FAM53B: variants seen among roughly 807,000 people sequenced by gnomAD.
FAM53B encodes the protein family with sequence similarity 53 member B, also known as protein FAM53B.
Under a neutral mutation model 32.7 loss-of-function variants are expected in FAM53B, and 12 were observed. The observed-to-expected ratio is 0.37, with a 90% confidence interval of 0.24 to 0.59. The LOEUF is 0.59. Ranked by LOEUF, FAM53B falls within the 20% of genes least tolerant of loss-of-function variation. The pLI is 0.72. For synonymous variants in FAM53B, 234 were observed against 228.7 expected (o/e 1.02, Z -0.21); for missense variants, 477 against 577.7 (o/e 0.83, Z 1.79).
At chr10:124,670,028 G>A (rs565765804) in intron 4 of FAM53B, among the ~76,000 whole-genome samples, 1 of 152,240 alleles carries the variant, frequency 6.6e-6, no homozygotes, top group Non-Finnish European at 1.5e-5. Context: ...CGTGGATTAG[G>A]AGTTAGTGAC....
rs537452488 is a variant in FAM53B at position 124,719,447 on chromosome 10, C to T, written c.-174-12560G>A. Among the ~76,000 whole-genome samples, 6 of 152,242 alleles carry T rather than the reference C, an allele frequency of 3.9e-5. No homozygotes were observed. In the South Asian group the frequency reaches 8.3e-4, roughly 21 times the overall value. On this transcript the variant is annotated intron_variant, in intron 1 of 4. Coordinates refer to ENST00000337318, the MANE Select transcript of FAM53B (RefSeq NM_014661.4). ...CCAAGGTGAACTCTTCTCGGCTTTTCGTTACAGATCTAAGCGAGAGTCAAA... is the reference window on the plus strand; with the variant it reads ...CCAAGGTGAACTCTTCTCGGCTTTTTGTTACAGATCTAAGCGAGAGTCAAA...
intron 3 of FAM53B, among the ~76,000 whole-genome samples, chr10:124,685,885 C>T (rs565565799): frequency 6.6e-6 from 1 of 152,290 alleles, no homozygotes; most frequent in East Asian, 1.9e-4. Context: ...TTTCTGAAGC[C>T]CCCACCTATT....
intron 4 of FAM53B, among the ~76,000 whole-genome samples, chr10:124,674,272 G>T (rs1012497891): frequency 2.0e-5 from 3 of 152,196 alleles, no homozygotes; most frequent in Non-Finnish European, 4.4e-5. Context: ...ATGAGCAGCA[G>T]GCCCCTCCTT....
At chr10:124,667,267 T>C in intron 4 of FAM53B, 2 of 628,904 alleles carry the variant, frequency 3.2e-6, no homozygotes, top group Non-Finnish European at 5.8e-6. Context: ...AAATATACTA[T>C]TCAAAGTCAT....
At chr10:124,739,376 G>C (rs917820965) in intron 1 of FAM53B, among the ~76,000 whole-genome samples, 6 of 152,274 alleles carry the variant, frequency 3.9e-5, no homozygotes, top group Non-Finnish European at 8.8e-5. Flanking sequence ...CCAGGGCCCA[G>C]GGTGGGCCTT....
intron 1 of FAM53B, among the ~76,000 whole-genome samples, chr10:124,726,268 T>C (rs760888609): frequency 2.6e-5 from 4 of 152,248 alleles, no homozygotes; most frequent in Admixed American, 6.5e-5. Flanking sequence ...CAGAATTGGA[T>C]GGGTGGCCTA....
intron 4 of FAM53B, among the ~76,000 whole-genome samples, chr10:124,659,313 T>C (rs1949614263): frequency 1.3e-5 from 2 of 152,246 alleles, no homozygotes; most frequent in African/African-American, 4.8e-5. Flanking sequence ...GGAGCAGCTT[T>C]ATTTAAAGGG....
chr10:124,725,731 A>AC (rs1950097777), intron 1 of FAM53B, among the ~76,000 whole-genome samples: 2 of 152,242 alleles, frequency 1.3e-5, no homozygotes, highest in African/African-American at 4.8e-5. Flanking sequence ...AGAATTACCT[A>AC]AAGGTAGGAA....
chr10:124,705,475 C>G (rs1262922831), intron 2 of FAM53B: 1 of 152,342 alleles, frequency 6.6e-6, no homozygotes, highest in Non-Finnish European at 1.5e-5. Context: ...CGTGCTACAG[C>G]CAGGCTGGCC....
chr10:124,651,736 T>C lies in FAM53B; in HGVS notation c.907-28132A>G, dbSNP rs1949557948. On this transcript the variant is annotated intron_variant, in intron 4 of 4. Coordinates refer to ENST00000337318, the MANE Select transcript of FAM53B (RefSeq NM_014661.4). The surrounding 1 kb of genome is among the most constrained non-coding windows in gnomAD (Gnocchi z 5.2). ...GTCAAGGTCAGCAGAGCCCCACAGA[T>C]GTCTAGCCCCTGCCTCAGGTCGGCA... Among the ~76,000 whole-genome samples, 1 of 152,192 alleles carries C rather than the reference T, an allele frequency of 6.6e-6. No individual in the cohort carries two copies. Among genetic ancestry groups the C allele is most frequent in the Non-Finnish European group, 1.5e-5 (1 of 68,026 alleles).
intron 1 of FAM53B, among the ~76,000 whole-genome samples, chr10:124,729,442 T>C (rs1342508287): frequency 6.6e-6 from 1 of 152,232 alleles, no homozygotes; most frequent in East Asian, 1.9e-4. Flanking sequence ...ACTTCCTCCT[T>C]ACCAGGCACT....
chr10:124,691,358 T>C (rs1949831501), intron 3 of FAM53B, among the ~76,000 whole-genome samples: 1 of 152,220 alleles, frequency 6.6e-6, no homozygotes. Flanking sequence ...ATTTTTACAA[T>C]TCCTTTTTAT....
At chr10:124,711,668 G>A (rs544863328) in intron 1 of FAM53B, among the ~76,000 whole-genome samples, 6 of 152,158 alleles carry the variant, frequency 3.9e-5, no homozygotes, top group African/African-American at 7.2e-5. Flanking sequence ...CAGGGAGACC[G>A]TGTGCGCGGG....
In FAM53B at chr10:124,633,036, G is replaced by A. The variant is rs867828936; in HGVS notation, c.907-9432C>T. 2.6e-5 allele frequency among the ~76,000 whole-genome samples: 4 copies of A among 152,180 alleles called. No individual in the cohort carries two copies. In the Middle Eastern group the frequency reaches 0.01, roughly 388 times the overall value. ...GAGGGATAAATAGAGACCACCAAGGGTGCGATCCCCCCTTCCCACACTCCA... is the reference window on the plus strand; with the variant it reads ...GAGGGATAAATAGAGACCACCAAGGATGCGATCCCCCCTTCCCACACTCCA... On this transcript the variant is annotated intron_variant, in intron 4 of 4. Transcript: ENST00000337318.
At chr10:124,686,091 C>T (rs978488417) in intron 3 of FAM53B, among the ~76,000 whole-genome samples, 9 of 152,182 alleles carry the variant, frequency 5.9e-5, no homozygotes, top group Admixed American at 2.0e-4. Flanking sequence ...CTGAACCAGC[C>T]CACAAAGTAC....
chr10:124,697,766 G>A (rs987042695), intron 2 of FAM53B, among the ~76,000 whole-genome samples: 2 of 152,114 alleles, frequency 1.3e-5, no homozygotes, highest in East Asian at 3.9e-4. Flanking sequence ...GAACGGGGCA[G>A]TCCTCCTACA....
At chr10:124,739,400 G>A (rs1165833011) in intron 1 of FAM53B, among the ~76,000 whole-genome samples, 1 of 152,240 alleles carries the variant, frequency 6.6e-6, no homozygotes, top group East Asian at 1.9e-4. Flanking sequence ...CAACCAGTGG[G>A]TGCTGCCATT....
intron 4 of FAM53B, among the ~76,000 whole-genome samples, chr10:124,657,694 C>T (rs1405157724): frequency 2.0e-5 from 3 of 152,080 alleles, no homozygotes; most frequent in Non-Finnish European, 4.4e-5. Context: ...GTGTTTGTGC[C>T]CTCTACTAAC....
rs566877788 is a variant in FAM53B at position 124,660,722 on chromosome 10, C to T, written c.906+20885G>A. 1.6e-4 allele frequency among the ~76,000 whole-genome samples: 24 copies of T among 152,248 alleles called. 1 individual carries two copies. Among genetic ancestry groups the T allele is most frequent in the South Asian group, 8.3e-4 (4 of 4,824 alleles). On this transcript the variant is annotated intron_variant, in intron 4 of 4. Coordinates refer to ENST00000337318, the MANE Select transcript of FAM53B (RefSeq NM_014661.4). Reference sequence around the variant, plus strand: ...GACTTTCCAAATGGGGAAATCGAGACGTAAGGTCATCTAGATCAGGTGCCA... The same window carrying T: ...GACTTTCCAAATGGGGAAATCGAGATGTAAGGTCATCTAGATCAGGTGCCA...
Sources: allele counts gnomAD v4.1 joint callset (sites outside exome capture counted in the v4.1 genomes callset), GRCh38; gene constraint gnomAD v4.1.1; non-coding constraint Gnocchi (gnomAD v3.1); transcripts MANE v1.5; gene names NCBI Gene and HGNC (gene_info 2026-07-23, HGNC 2026-07-21).